The following FGF12 variants were observed in gnomAD, a reference collection of about 807,000 sequenced individuals.
FGF12 encodes the protein fibroblast growth factor 12.
In FGF12, 14 loss-of-function variants were observed where a neutral mutation model predicts 23.6. The observed-to-expected ratio is 0.59, with a 90% CI of 0.39 to 0.93. The LOEUF is 0.93. Among genes scored for constraint, FGF12 ranks in the 40% least tolerant of loss-of-function variants. The pLI is 0.00. For missense variants in FGF12, 175 were observed against 217.8 expected (o/e 0.80, Z 1.24); for synonymous variants, 62 against 77.3 (o/e 0.80, Z 1.04).
chr3:192,497,243 C>A (rs191720541), intron 2 of FGF12, among the ~76,000 whole-genome samples: 1 of 152,174 alleles, frequency 6.6e-6, no homozygotes, highest in African/African-American at 2.4e-5. Context: ...TTACTTGAGT[C>A]CTTTTTGAGG....
intron 2 of FGF12, among the ~76,000 whole-genome samples, chr3:192,470,022 A>G (rs1251929601): frequency 6.6e-6 from 1 of 152,168 alleles, no homozygotes; most frequent in Non-Finnish European, 1.5e-5. Context: ...AAAATAAGAG[A>G]AATGCATTTT....
chr3:192,422,319 G>A (rs868015061), intron 2 of FGF12, among the ~76,000 whole-genome samples: 1 of 152,142 alleles, frequency 6.6e-6, no homozygotes, highest in African/African-American at 2.4e-5. Flanking sequence ...TTAACCAGAT[G>A]ATTGCTAAGG....
At chr3:192,542,848 C>T (rs867398032) in intron 2 of FGF12, among the ~76,000 whole-genome samples, 15 of 152,124 alleles carry the variant, frequency 9.9e-5, no homozygotes, top group Admixed American at 3.3e-4. Context: ...TCTTTCCTTA[C>T]GTTCTCCCAA....
chr3:192,301,204 G>A (rs1355632862), intron 4 of FGF12, among the ~76,000 whole-genome samples: 1 of 152,158 alleles, frequency 6.6e-6, no homozygotes, highest in Middle Eastern at 3.2e-3. Context: ...TCTGGAAGGG[G>A]ATGGGTTAAG....
chr3:192,226,096 C>T (rs1718718669), intron 4 of FGF12, among the ~76,000 whole-genome samples: 1 of 152,074 alleles, frequency 6.6e-6, no homozygotes, highest in East Asian at 1.9e-4. Flanking sequence ...TCCTCACCAC[C>T]TGCAAAAAAA....
chr3:192,246,471 T>TA (rs1711571855), intron 4 of FGF12, among the ~76,000 whole-genome samples: 1 of 152,154 alleles, frequency 6.6e-6, no homozygotes, highest in African/African-American at 2.4e-5. Context: ...TTTCAGATAG[T>TA]ATGCAGGCTT....
At chr3:192,483,958 T>C (rs1723552493) in intron 2 of FGF12, among the ~76,000 whole-genome samples, 3 of 152,096 alleles carry the variant, frequency 2.0e-5, no homozygotes, top group Non-Finnish European at 2.9e-5. Context: ...TGGCATAATA[T>C]ACATTATAAA....
chr3:192,679,856 C>T (rs1476293375), intron 2 of FGF12, among the ~76,000 whole-genome samples: 4 of 152,086 alleles, frequency 2.6e-5, no homozygotes, highest in Admixed American at 2.0e-4. Context: ...ACTTGGGAGC[C>T]GAGGACTTTA....
chr3:192,282,142 T>G lies in FGF12; in HGVS notation c.228+53219A>C, dbSNP rs558253221. Among the ~76,000 whole-genome samples, 1,080 of 152,288 alleles carry G rather than the reference T, an allele frequency of 7.1e-3. 8 individuals are homozygous for G. The highest frequency in any genetic ancestry group is 0.025 in the African/African-American group (1,046 of 41,552). Reference sequence around the variant, plus strand: ...TTATTGGTAGGTTATATTTTCAATCTTCTAAATATTTCTGAACAATTGTCT... The same window carrying G: ...TTATTGGTAGGTTATATTTTCAATCGTCTAAATATTTCTGAACAATTGTCT... On this transcript the variant is annotated intron_variant, in intron 4 of 5. Coordinates refer to ENST00000445105, the MANE Select transcript of FGF12 (RefSeq NM_004113.6).
At chr3:192,559,541 C>A (rs1288265691) in intron 2 of FGF12, among the ~76,000 whole-genome samples, 2 of 151,696 alleles carry the variant, frequency 1.3e-5, no homozygotes, top group African/African-American at 4.8e-5. Flanking sequence ...CAACACTAAG[C>A]AAGAACCATA....
At chr3:192,166,264 G>C (rs903983454) in intron 5 of FGF12, among the ~76,000 whole-genome samples, 3 of 152,166 alleles carry the variant, frequency 2.0e-5, no homozygotes, top group African/African-American at 7.2e-5. Context: ...AAAGCACATA[G>C]GAGGCAGAAG....
At chr3:192,437,707 AAAAC>A (rs201560892) in intron 2 of FGF12, among the ~76,000 whole-genome samples, 1 of 146,280 alleles carries the variant, frequency 6.8e-6, no homozygotes, top group Non-Finnish European at 1.5e-5. Flanking sequence ...CAACAACAAC[AAAAC>A]AAACAAACAA....
chr3:192,176,184 T>G (rs566349117), intron 4 of FGF12, among the ~76,000 whole-genome samples: 1 of 152,350 alleles, frequency 6.6e-6, no homozygotes, highest in African/African-American at 2.4e-5. Flanking sequence ...TTTCTTGCAA[T>G]GCCCCCACTT....
In FGF12 at chr3:192,366,483, C is replaced by T. The variant is rs192677085; in HGVS notation, c.14-5945G>A. On this transcript the variant is annotated intron_variant, in intron 2 of 5. Coordinates refer to ENST00000445105, the MANE Select transcript of FGF12 (RefSeq NM_004113.6). ...GGCTGTATATTGAACCCATCTCCTT[C>T]GTGGCAGGCACACTTCTGATACTTT... Among the ~76,000 whole-genome samples, 4 of 152,270 alleles carry T rather than the reference C, an allele frequency of 2.6e-5. No individual in the cohort carries two copies. In the East Asian group the frequency reaches 5.8e-4, roughly 22 times the overall value.
At chr3:192,304,447 C>T (rs1255511794) in intron 4 of FGF12, among the ~76,000 whole-genome samples, 1 of 152,144 alleles carries the variant, frequency 6.6e-6, no homozygotes, top group Non-Finnish European at 1.5e-5. Context: ...GCTTATAGTT[C>T]CTCACAGGTC....
chr3:192,312,182 G>C (rs1023778322), intron 4 of FGF12, among the ~76,000 whole-genome samples: 4 of 151,892 alleles, frequency 2.6e-5, no homozygotes, highest in African/African-American at 9.7e-5. Flanking sequence ...TCAACATATC[G>C]ATTCTTCTTT....
chr3:192,345,384 GT>G (rs1717903889), intron 3 of FGF12, among the ~76,000 whole-genome samples: 1 of 152,136 alleles, frequency 6.6e-6, no homozygotes, highest in Non-Finnish European at 1.5e-5. Flanking sequence ...GTAAAATATT[GT>G]TGCTCTTAAG....
intron 5 of FGF12, 119 bp downstream of exon 5, chr3:192,170,339 G>A: frequency 1.4e-6 from 1 of 694,552 alleles, no homozygotes; most frequent in Admixed American, 2.7e-5. Flanking sequence ...TATTTCTTTT[G>A]AATCTTTCTT....
At chr3:192,370,049 C>T (rs1719153772) in intron 2 of FGF12, among the ~76,000 whole-genome samples, 1 of 152,116 alleles carries the variant, frequency 6.6e-6, no homozygotes, top group South Asian at 2.1e-4. Flanking sequence ...ATGTGCTTAG[C>T]ATGTGCAGGG....
Sources: gnomAD v4.1 joint callset for allele counts (sites outside exome capture counted in the v4.1 genomes callset) on GRCh38, gnomAD v4.1.1 for gene constraint, MANE v1.5 for transcripts, NCBI Gene and HGNC (gene_info 2026-07-23, HGNC 2026-07-21) for gene names.